PTPRD: variants seen among roughly 807,000 people sequenced by gnomAD.
The protein encoded by PTPRD is protein tyrosine phosphatase receptor type D.
Under a neutral mutation model 214.5 loss-of-function variants are expected in PTPRD, and 34 were observed. That is an observed-to-expected ratio of 0.16 (90% CI 0.12 to 0.21). PTPRD has a LOEUF of 0.21. Among genes scored for constraint, PTPRD ranks in the 10% least tolerant of loss-of-function variants. The pLI is 1.00. For missense variants in PTPRD, 2,545 were observed against 2,398.7 expected (o/e 1.06, Z -1.27); for synonymous variants, 1,128 against 845.7 (o/e 1.33, Z -5.79).
chr9:10,572,945 G>A (rs906892137), intron 2 of PTPRD, among the ~76,000 whole-genome samples: 2 of 151,882 alleles, frequency 1.3e-5, no homozygotes, highest in Non-Finnish European at 2.9e-5. Context: ...TAGCATGTGT[G>A]CAGAAAATTA....
intron 9 of PTPRD, among the ~76,000 whole-genome samples, chr9:9,252,554 C>T (rs2099975927): frequency 6.6e-6 from 1 of 151,992 alleles, no homozygotes; most frequent in African/African-American, 2.4e-5. Flanking sequence ...ATGAAGATAA[C>T]TCATTGCAGC....
chr9:9,145,380 G>GA (rs1055321213), intron 10 of PTPRD, among the ~76,000 whole-genome samples: 3 of 151,778 alleles, frequency 2.0e-5, no homozygotes, highest in African/African-American at 7.3e-5. Context: ...CTCCTTAGGG[G>GA]AAAAAAAGAA....
chr9:10,038,411 A>T (rs1252554196), intron 3 of PTPRD, among the ~76,000 whole-genome samples: 2 of 152,138 alleles, frequency 1.3e-5, no homozygotes, highest in Non-Finnish European at 2.9e-5. Context: ...GAAAATATCC[A>T]ATTACCTTTA....
intron 2 of PTPRD, among the ~76,000 whole-genome samples, chr9:10,602,725 T>A (rs2078290626): frequency 6.6e-6 from 1 of 151,874 alleles, no homozygotes; most frequent in African/African-American, 2.4e-5. Context: ...AAATGACTCT[T>A]AGAAGGCCAA....
chr9:9,690,145 C>T (rs1350453708), intron 7 of PTPRD, among the ~76,000 whole-genome samples: 1 of 151,874 alleles, frequency 6.6e-6, no homozygotes, highest in East Asian at 1.9e-4. Context: ...ACATTCTCTC[C>T]AGCATTCGTT....
chr9:8,716,333 G>A (rs566965591), intron 12 of PTPRD, among the ~76,000 whole-genome samples: 16 of 152,272 alleles, frequency 1.1e-4, no homozygotes, highest in Admixed American at 7.8e-4. Flanking sequence ...ATGTAATTGT[G>A]GTTAAAGTAC....
intron 2 of PTPRD, among the ~76,000 whole-genome samples, chr9:10,528,464 T>A (rs1197040167): frequency 6.6e-6 from 1 of 152,164 alleles, no homozygotes; most frequent in Non-Finnish European, 1.5e-5. Context: ...TTATAGAACC[T>A]GTTACAGTAT....
chr9:8,784,850 A>T (rs1040207469), intron 11 of PTPRD, among the ~76,000 whole-genome samples: 1 of 152,206 alleles, frequency 6.6e-6, no homozygotes, highest in Non-Finnish European at 1.5e-5. Context: ...CATATCTTAC[A>T]GTTATCATTT....
In PTPRD at chr9:9,459,619, C is replaced by G. The variant is rs571403519; in HGVS notation, c.-236-62137G>C. ...GCATTTAAAACAGCCACAAAAATAC[C>G]TAGAAATACTTTTAACCAAAAAGGT... is the stretch of plus-strand genomic sequence containing the variant. On this transcript the variant is annotated intron_variant, in intron 8 of 45. Transcript: ENST00000381196. 1.2e-4 allele frequency among the ~76,000 whole-genome samples: 19 copies of G among 152,046 alleles called. No individual in the cohort carries two copies. In the South Asian group the frequency reaches 3.5e-3, roughly 28 times the overall value.
intron 5 of PTPRD, among the ~76,000 whole-genome samples, chr9:9,813,003 G>T (rs1306232783): frequency 6.8e-6 from 1 of 148,140 alleles, no homozygotes; most frequent in Non-Finnish European, 1.5e-5. Flanking sequence ...TATAAGAGGA[G>T]AAAATAGGAA....
rs1036652999 is a variant in PTPRD, at chr9:9,173,931, G to A, written c.-143+9373C>T. Among the ~76,000 whole-genome samples, 8 of 152,126 alleles carry A rather than the reference G, an allele frequency of 5.3e-5. 1 individual carries two copies. In the South Asian group the frequency reaches 1.7e-3, roughly 32 times the overall value. On this transcript the variant is annotated intron_variant, in intron 10 of 45. Coordinates refer to ENST00000381196, the MANE Select transcript of PTPRD (RefSeq NM_002839.4). ...TTGGCTCCTACCGGCATGCTCTTATGTTAGCCTATGCACAATTTCACCTTA... is the reference window on the plus strand; with the variant it reads ...TTGGCTCCTACCGGCATGCTCTTATATTAGCCTATGCACAATTTCACCTTA...
chr9:9,620,414 G>T (rs1249736723), intron 7 of PTPRD, among the ~76,000 whole-genome samples: 1 of 152,048 alleles, frequency 6.6e-6, no homozygotes, highest in African/African-American at 2.4e-5. Context: ...TGGTATCTTG[G>T]GAGGATTGTA....
chr9:9,693,433 C>T (rs985681999), intron 7 of PTPRD, among the ~76,000 whole-genome samples: 1 of 152,122 alleles, frequency 6.6e-6, no homozygotes, highest in East Asian at 1.9e-4. Flanking sequence ...TCTTCTTCCA[C>T]CATAATTGTA....
At chr9:8,340,292 C>G (rs1373869162) in intron 42 of PTPRD, 51 bp downstream of exon 42, 2 of 1,508,314 alleles carry the variant, frequency 1.3e-6, no homozygotes, top group Middle Eastern at 1.8e-4. Flanking sequence ...GTCTTCATTT[C>G]TCCACAGAGT....
At chr9:9,935,489 G>C (rs547435503) in intron 5 of PTPRD, among the ~76,000 whole-genome samples, 3 of 152,074 alleles carry the variant, frequency 2.0e-5, no homozygotes, top group African/African-American at 7.2e-5. Flanking sequence ...GCTTCAAAGA[G>C]AATAAAATAC....
At chr9:10,454,942 C>T (rs367568016) in intron 2 of PTPRD, among the ~76,000 whole-genome samples, 1 of 151,702 alleles carries the variant, frequency 6.6e-6, no homozygotes, top group East Asian at 1.9e-4. Flanking sequence ...CAGTAACAGG[C>T]AAGAAATTAA....
At chr9:8,481,014 C>T (rs377212096) in intron 30 of PTPRD, among the ~76,000 whole-genome samples, 6 of 151,792 alleles carry the variant, frequency 4.0e-5, no homozygotes, top group African/African-American at 9.7e-5. Flanking sequence ...GTGGTGGGCT[C>T]CTGTAGTCAC....
chr9:8,607,536 A>G (rs779890169), intron 14 of PTPRD, among the ~76,000 whole-genome samples: 1 of 152,114 alleles, frequency 6.6e-6, no homozygotes, highest in Non-Finnish European at 1.5e-5. Flanking sequence ...CCAGCTGCTC[A>G]GGAGGCTGAG....
In PTPRD at chr9:9,961,005, T is replaced by G. The variant is rs370420088; in HGVS notation, c.-471-22395A>C. ...CCCATCAACAAGTGGGTGAAAGATA[T>G]GAACAGACACTTCTCAAAAGAAGAC... On this transcript the variant is annotated intron_variant, in intron 4 of 45. Transcript: ENST00000381196. Among the ~76,000 whole-genome samples, 215 of 152,130 alleles carry G rather than the reference T, an allele frequency of 1.4e-3. 5 individuals carry two copies. In the South Asian group the frequency reaches 0.043, roughly 31 times the overall value.
Sources: gnomAD v4.1 joint callset for allele counts (sites outside exome capture counted in the v4.1 genomes callset) on GRCh38, gnomAD v4.1.1 for gene constraint, MANE v1.5 for transcripts, NCBI Gene and HGNC (gene_info 2026-07-23, HGNC 2026-07-21) for gene names.